PECAM1: variants seen among roughly 807,000 people sequenced by gnomAD.
PECAM1 encodes platelet and endothelial cell adhesion molecule 1, also known as platelet endothelial cell adhesion molecule.
PECAM1 carries 8 observed loss-of-function variants against 13.8 expected under a neutral mutation model. The ratio of observed to expected loss-of-function variants is 0.58; its 90% CI spans 0.34 to 1.05. The LOEUF is 1.05. Among genes scored for constraint, PECAM1 ranks in the 50% least tolerant of loss-of-function variants. The pLI, the probability that PECAM1 is intolerant of heterozygous loss-of-function variation, is 0.03. For synonymous variants in PECAM1, 136 were observed against 52.6 expected, an observed-to-expected ratio of 2.58 and a Z score of -6.86; for missense variants, 304 against 141.2, an observed-to-expected ratio of 2.15 and a Z score of -5.84.
intron 10 of PECAM1, 95 bp from the exon 11 acceptor site, chr17:64,352,558 T>A (rs1401706868): frequency 5.0e-6 from 2 of 402,722 alleles, no homozygotes; most frequent in Non-Finnish European, 8.9e-6. Context: ...CAAGGGAAGA[T>A]CATGAGAAAA....
chr17:64,378,252 G>A, intron 2 of PECAM1, 135 bp from the exon 3 acceptor site: 1 of 396,930 alleles, frequency 2.5e-6, no homozygotes, highest in East Asian at 3.6e-5. Context: ...CGTGCCTACA[G>A]GGCCAGGCTG....
intron 3 of PECAM1, among the ~76,000 whole-genome samples, chr17:64,375,610 A>C (rs2036339008): frequency 6.6e-6 from 1 of 152,092 alleles, no homozygotes; most frequent in Admixed American, 6.6e-5. Flanking sequence ...TCTTGAGCCC[A>C]GGAGTTGGAG....
chr17:64,322,287 G>A lies in PECAM1; in HGVS notation c.*1529C>T, dbSNP rs954502803. 5 of 461,726 alleles carry A rather than the reference G, an allele frequency of 1.1e-5. No homozygotes were observed. Among genetic ancestry groups the A allele is most frequent in the Non-Finnish European group, 1.4e-5 (5 of 350,142 alleles). 28.6% of individuals were successfully genotyped at this position (461,726 alleles called of 1,614,324 possible). On this transcript the variant is annotated 3_prime_UTR_variant, in exon 16 of 16. Transcript: ENST00000563924. ...TGTAATCCCAGCTACTCGGGAGGCT[G>A]AGACAGGAGAACTGCTTGAACCCAG... is the stretch of plus-strand genomic sequence containing the variant.
intron 14 of PECAM1, among the ~76,000 whole-genome samples, chr17:64,339,959 G>A (rs1247264525): frequency 2.6e-5 from 4 of 152,102 alleles, no homozygotes; most frequent in African/African-American, 7.2e-5. Context: ...AGACCAGTCT[G>A]GGCAACATGG....
At position 64,323,387 on chromosome 17, in the gene PECAM1, A is replaced by G. The variant is rs560354324; in HGVS notation, c.*429T>C. The G allele has an allele frequency of 1.1e-4, 117 of 1,101,874 alleles. No individual in the cohort carries two copies. The African/African-American group carries it at 1.8e-3, about 17-fold the overall frequency. 68.3% of individuals were successfully genotyped at this position (1,101,874 alleles called of 1,614,324 possible). On this transcript the variant is annotated 3_prime_UTR_variant, in exon 16 of 16. Coordinates refer to ENST00000563924, the MANE Select transcript of PECAM1 (RefSeq NM_000442.5). Reference sequence around the variant, plus strand: ...AGCCTTTGAAGGACCAAAGGAAAAGAGAAAAAACCAGCCTCTAACCAGGCC... The same window carrying G: ...AGCCTTTGAAGGACCAAAGGAAAAGGGAAAAAACCAGCCTCTAACCAGGCC...
intron 6 of PECAM1, 81 bp downstream of exon 6, chr17:64,363,068 G>A (rs992125933): frequency 1.5e-5 from 7 of 472,062 alleles, no homozygotes; most frequent in South Asian, 7.1e-5. Flanking sequence ...TGCTCAGACC[G>A]GAGAGGGCGG....
chr17:64,378,243 G>T (rs996204563), intron 2 of PECAM1, 126 bp from the exon 3 acceptor site: 21 of 397,720 alleles, frequency 5.3e-5, no homozygotes, highest in African/African-American at 4.3e-4. Flanking sequence ...GGGGTTCTAC[G>T]TGCCTACAGG....
intron 4 of PECAM1, among the ~76,000 whole-genome samples, chr17:64,373,756 G>A (rs1335269452): frequency 6.6e-6 from 1 of 152,030 alleles, no homozygotes; most frequent in Admixed American, 6.6e-5. Flanking sequence ...TACACACAAT[G>A]GGCAGGATAA....
At position 64,321,569 on chromosome 17, in the gene PECAM1, G is replaced by A; in HGVS notation, c.*2247C>T. On this transcript the variant is annotated 3_prime_UTR_variant, in exon 16 of 16. Transcript: ENST00000563924. ...GCCCAGAAGTTCGAGACCAGCCTGG[G>A]CACCATGGTGAAACCTCATCTCTGC... 1 of 544,174 alleles carries A rather than the reference G, an allele frequency of 1.8e-6. No individual in the cohort carries two copies. Among genetic ancestry groups the A allele is most frequent in the South Asian group, 3.9e-5 (1 of 25,398 alleles). The allele number at this position is 544,174 out of a possible 1,614,324, so 33.7% of individuals were successfully genotyped here. A position where few individuals can be genotyped will look rare whatever the true frequency, so the allele number is the denominator to read the frequency against.
chr17:64,340,474 G>A (rs1379870033), intron 14 of PECAM1, among the ~76,000 whole-genome samples: 1 of 152,134 alleles, frequency 6.6e-6, no homozygotes, highest in Non-Finnish European at 1.5e-5. Context: ...GAGGTCTGCT[G>A]TACAAAGCGA....
At chr17:64,345,904 G>T (rs1251256314) in intron 13 of PECAM1, among the ~76,000 whole-genome samples, 3 of 151,894 alleles carry the variant, frequency 2.0e-5, no homozygotes, top group Non-Finnish European at 2.9e-5. Context: ...GCTCTACGGG[G>T]CATCCCTGTA....
chr17:64,387,559 G>A (rs1471978504), intron 2 of PECAM1, among the ~76,000 whole-genome samples: 4 of 152,160 alleles, frequency 2.6e-5, no homozygotes, highest in African/African-American at 4.8e-5. Flanking sequence ...TTGAATGCAC[G>A]TAGGCGTGGG....
At chr17:64,338,683 G>A (rs9908735) in intron 14 of PECAM1, among the ~76,000 whole-genome samples, 53,878 of 151,774 alleles carry the variant, frequency 0.35, 9,660 homozygotes, top group Non-Finnish European at 0.37. Context: ...TCAACCTCCC[G>A]AGGAGCTGGG....
intron 14 of PECAM1, among the ~76,000 whole-genome samples, chr17:64,336,220 C>T (rs1363739931): frequency 6.6e-6 from 1 of 150,916 alleles, no homozygotes; most frequent in Non-Finnish European, 1.5e-5. Context: ...GAGCTGCGAT[C>T]GCGCCACTGC....
intron 13 of PECAM1, among the ~76,000 whole-genome samples, chr17:64,343,186 G>T (rs1258762182): frequency 2.0e-5 from 3 of 152,046 alleles, no homozygotes; most frequent in Non-Finnish European, 4.4e-5. Flanking sequence ...GGAGTGAATG[G>T]CTGGGGTGTG....
intron 11 of PECAM1, 141 bp downstream of exon 11, chr17:64,352,249 G>A (rs982263223): frequency 4.9e-6 from 2 of 406,732 alleles, no homozygotes; most frequent in African/African-American, 4.1e-5. Flanking sequence ...CCCAGTGGCT[G>A]ATGAGATGAA....
intron 2 of PECAM1, among the ~76,000 whole-genome samples, chr17:64,384,962 G>A (rs2036561886): frequency 6.6e-6 from 1 of 152,176 alleles, no homozygotes; most frequent in African/African-American, 2.4e-5. Context: ...ATTACTGCCT[G>A]TAGGTCTCAC....
intron 8 of PECAM1, among the ~76,000 whole-genome samples, chr17:64,355,518 G>A (rs1243074088): frequency 6.6e-6 from 1 of 151,676 alleles, no homozygotes; most frequent in Non-Finnish European, 1.5e-5. Context: ...GGAGTGCAGT[G>A]GAGCAAGCTC....
chr17:64,362,359 G>T (rs1434147665), intron 6 of PECAM1, among the ~76,000 whole-genome samples: 1 of 152,174 alleles, frequency 6.6e-6, no homozygotes, highest in African/African-American at 2.4e-5. Context: ...ATGGAATTTT[G>T]ATATTCTTGG....
Sources: gnomAD v4.1 joint callset for allele counts (sites outside exome capture counted in the v4.1 genomes callset) on GRCh38, gnomAD v4.1.1 for gene constraint, MANE v1.5 for transcripts, NCBI Gene and HGNC (gene_info 2026-07-23, HGNC 2026-07-21) for gene names.